Variants in SOX6 observed in about 807,000 individuals in gnomAD.
SOX6 encodes the protein SRY-box transcription factor 6.
Under a neutral mutation model 97.8 loss-of-function variants are expected in SOX6, and 11 were observed. That is an observed-to-expected ratio of 0.11 (90% CI 0.07 to 0.19). SOX6 has a LOEUF of 0.19. Ranked by LOEUF, SOX6 falls within the 10% of genes least tolerant of loss-of-function variation. SOX6 has a pLI of 1.00. For synonymous variants in SOX6, 360 were observed against 371.4 expected (o/e 0.97, Z 0.35); for missense variants, 810 against 1,039.5 (o/e 0.78, Z 3.04).
chr11:16,691,123 C>A (rs186330153), intron 3 of SOX6, among the ~76,000 whole-genome samples: 226 of 152,268 alleles, frequency 1.5e-3, no homozygotes, highest in Non-Finnish European at 2.0e-3. Flanking sequence ...GTTTTCATGA[C>A]CCTCCTTGGA....
intron 6 of SOX6, among the ~76,000 whole-genome samples, chr11:16,113,074 A>G (rs1849268111): frequency 6.6e-6 from 1 of 152,118 alleles, no homozygotes; most frequent in Non-Finnish European, 1.5e-5. Flanking sequence ...GCAAAATTCC[A>G]TACACTGGCT....
At chr11:16,074,511 G>A (rs918250303) in intron 9 of SOX6, among the ~76,000 whole-genome samples, 1 of 152,162 alleles carries the variant, frequency 6.6e-6, no homozygotes, top group East Asian at 1.9e-4. Flanking sequence ...AATTCTACCA[G>A]ATGTATAAAG....
chr11:16,037,823 A>G (rs1364331544), intron 12 of SOX6, among the ~76,000 whole-genome samples: 6 of 152,154 alleles, frequency 3.9e-5, no homozygotes, highest in African/African-American at 1.2e-4. Flanking sequence ...TGCCCCATCC[A>G]CAAACACCTA....
chr11:16,118,201 G>A (rs1159629097), intron 6 of SOX6, among the ~76,000 whole-genome samples: 1 of 152,210 alleles, frequency 6.6e-6, no homozygotes, highest in Non-Finnish European at 1.5e-5. Flanking sequence ...CCCATCACGG[G>A]TGAAGCTTAG....
At chr11:16,667,580 T>A (rs192351157) in intron 3 of SOX6, among the ~76,000 whole-genome samples, 13 of 151,680 alleles carry the variant, frequency 8.6e-5, no homozygotes, top group Admixed American at 1.3e-4. Flanking sequence ...TAGAATAGTG[T>A]ATCCAGTGAA....
chr11:16,198,533 T>G (rs1217965150), intron 4 of SOX6, among the ~76,000 whole-genome samples: 2 of 152,110 alleles, frequency 1.3e-5, no homozygotes, highest in Non-Finnish European at 2.9e-5. Flanking sequence ...AAACTGGATA[T>G]GTAATCCTGA....
chr11:16,186,040 G>A (rs989973096), intron 5 of SOX6, among the ~76,000 whole-genome samples: 7 of 152,142 alleles, frequency 4.6e-5, no homozygotes, highest in Admixed American at 3.9e-4. Flanking sequence ...ATCATTGTTA[G>A]ATTAATGTAC....
chr11:16,367,180 A>G (rs1431857604), intron 1 of SOX6, among the ~76,000 whole-genome samples: 2 of 152,118 alleles, frequency 1.3e-5, no homozygotes, highest in African/African-American at 4.8e-5. Flanking sequence ...GTATGTTCTA[A>G]TTTTGGTTTT....
chr11:16,134,436 G>T (rs1424651530), intron 6 of SOX6, among the ~76,000 whole-genome samples: 1 of 152,198 alleles, frequency 6.6e-6, no homozygotes, highest in Non-Finnish European at 1.5e-5. Context: ...GAATTAGTAT[G>T]TACAGGTATA....
intron 4 of SOX6, among the ~76,000 whole-genome samples, chr11:16,205,895 T>C (rs577881472): frequency 1.3e-5 from 2 of 152,238 alleles, no homozygotes; most frequent in African/African-American, 4.8e-5. Context: ...ATATGAGAGG[T>C]TGAACTAGGT....
At chr11:16,654,718 A>C (rs1185478647) in intron 3 of SOX6, among the ~76,000 whole-genome samples, 1 of 152,256 alleles carries the variant, frequency 6.6e-6, no homozygotes, top group African/African-American at 2.4e-5. Context: ...TTTAAAAGTT[A>C]CTGTTTCATT....
chr11:16,040,958 A>C (rs950141006), intron 12 of SOX6, among the ~76,000 whole-genome samples: 1 of 152,134 alleles, frequency 6.6e-6, no homozygotes, highest in Non-Finnish European at 1.5e-5. Flanking sequence ...AACAGTGACT[A>C]CTGCTCTGCT....
At chr11:16,524,695 C>T (rs1403807778) in intron 4 of SOX6, among the ~76,000 whole-genome samples, 1 of 151,972 alleles carries the variant, frequency 6.6e-6, no homozygotes, top group Non-Finnish European at 1.5e-5. Context: ...TCAAATTGTC[C>T]CCGTTTGCAG....
rs1274645859 is a variant in SOX6, at chr11:16,016,385, T to C, written c.1624-1335A>G. 3.3e-5 allele frequency among the ~76,000 whole-genome samples: 5 copies of C among 152,034 alleles called. No homozygotes were observed. The East Asian group carries it at 9.7e-4, about 29-fold the overall frequency. On this transcript the variant is annotated intron_variant, in intron 12 of 15. Transcript: ENST00000683767. ...TAATCTACACCATTTCTATGAAAGATTTGCAACAAAAATTACAATCACGAG... is the reference window on the plus strand; with the variant it reads ...TAATCTACACCATTTCTATGAAAGACTTGCAACAAAAATTACAATCACGAG...
At chr11:16,705,533 G>A (rs889768057) in intron 3 of SOX6, among the ~76,000 whole-genome samples, 5 of 151,368 alleles carry the variant, frequency 3.3e-5, no homozygotes, top group Non-Finnish European at 4.4e-5. Flanking sequence ...AGGCTGAGGC[G>A]GGAGGATGGC....
At chr11:16,603,283 A>C (rs1011245384) in intron 4 of SOX6, among the ~76,000 whole-genome samples, 1 of 152,190 alleles carries the variant, frequency 6.6e-6, no homozygotes, top group African/African-American at 2.4e-5. Context: ...TCTCTGCCAG[A>C]AAGTGCAGGC....
At chr11:16,409,333 G>T (rs1374447795) in intron 1 of SOX6, among the ~76,000 whole-genome samples, 3 of 149,322 alleles carry the variant, frequency 2.0e-5, no homozygotes, top group Admixed American at 2.0e-4. Context: ...AAACAGCTAT[G>T]TTGGGTTTAT....
At chr11:16,552,296 C>T (rs952537832) in intron 4 of SOX6, among the ~76,000 whole-genome samples, 8 of 152,098 alleles carry the variant, frequency 5.3e-5, no homozygotes, top group South Asian at 2.1e-4. Flanking sequence ...GCTGTATAGC[C>T]GACATTTTAA....
At chr11:16,225,887 C>T (rs1322124279) in intron 4 of SOX6, among the ~76,000 whole-genome samples, 1 of 152,114 alleles carries the variant, frequency 6.6e-6, no homozygotes, top group East Asian at 1.9e-4. Flanking sequence ...GTATTTGCAC[C>T]AAACCCAACC....
Sources: gnomAD v4.1 joint callset for allele counts (sites outside exome capture counted in the v4.1 genomes callset) on GRCh38, gnomAD v4.1.1 for gene constraint, MANE v1.5 for transcripts, NCBI Gene and HGNC (gene_info 2026-07-23, HGNC 2026-07-21) for gene names.